Variants in OLA1 observed in about 807,000 individuals in gnomAD.
OLA1 encodes Obg like ATPase 1, also known as obg-like ATPase 1.
In OLA1, 14 loss-of-function variants were observed where a neutral mutation model predicts 48.4. The ratio of observed to expected loss-of-function variants is 0.29; its 90% CI spans 0.19 to 0.45. The LOEUF (loss-of-function observed/expected upper bound fraction) is 0.45. Ranked by LOEUF, OLA1 falls within the 20% of genes least tolerant of loss-of-function variation. The pLI, the probability that OLA1 is intolerant of heterozygous loss-of-function variation, is 1.00. For missense variants in OLA1, 325 were observed against 467.1 expected (o/e 0.70, Z 2.80); for synonymous variants, 127 against 150.4 (o/e 0.84, Z 1.14).
At chr2:174,147,135 C>A (rs75452205) in intron 4 of OLA1, among the ~76,000 whole-genome samples, 10,069 of 152,118 alleles carry the variant, frequency 0.066, 453 homozygotes, top group Middle Eastern at 0.11. Context: ...TGAACAGCAA[C>A]AACAAAAAAG....
chr2:174,073,405 A>G lies in OLA1; in HGVS notation c.*2021T>C, dbSNP rs1291684934. On this transcript the variant is annotated 3_prime_UTR_variant, in exon 11 of 11. Coordinates refer to ENST00000284719, the MANE Select transcript of OLA1 (RefSeq NM_013341.5). ...ATATTAACTTTATCAATATTAAAGGAGGGAAAACGTTTAGATATAGGCATA... is the reference window on the plus strand; with the variant it reads ...ATATTAACTTTATCAATATTAAAGGGGGGAAAACGTTTAGATATAGGCATA... 6.6e-6 allele frequency: 1 copy of G among 152,230 alleles called. No individual in the cohort carries two copies. Among genetic ancestry groups the G allele is most frequent in the Non-Finnish European group, 1.5e-5 (1 of 68,034 alleles). 9.4% of individuals were successfully genotyped at this position (152,230 alleles called of 1,614,324 possible).
chr2:174,146,849 C>A (rs1414290304), intron 4 of OLA1, among the ~76,000 whole-genome samples: 1 of 152,098 alleles, frequency 6.6e-6, no homozygotes, highest in Admixed American at 6.5e-5. Context: ...TTTCTATAAG[C>A]GCACTAATTA....
In OLA1 at chr2:174,075,238, T is replaced by C; in HGVS notation, c.*188A>G. On this transcript the variant is annotated 3_prime_UTR_variant, in exon 11 of 11. Transcript: ENST00000284719. ...GAAAAGCAAAGCTGTTCACATTTAG[T>C]GAACCTGCATTTCATGGGGGGGGGG... The C allele has an allele frequency of 2.1e-6, 1 of 486,368 alleles. No homozygotes were observed. The highest frequency in any genetic ancestry group is 3.6e-6 in the Non-Finnish European group (1 of 279,526). 30.1% of individuals were successfully genotyped at this position (486,368 alleles called of 1,614,324 possible). A position where few individuals can be genotyped will look rare whatever the true frequency, so the allele number is the denominator to read the frequency against.
intron 4 of OLA1, among the ~76,000 whole-genome samples, chr2:174,216,304 A>G (rs1215055973): frequency 6.6e-6 from 1 of 152,076 alleles, no homozygotes; most frequent in African/African-American, 2.4e-5. Flanking sequence ...CCCTATCTCT[A>G]AAACAATAAT....
rs548161079 is a variant in OLA1, at chr2:174,149,102, G to A, written c.374-7102C>T. Among the ~76,000 whole-genome samples, 23 of 152,082 alleles carry A rather than the reference G, an allele frequency of 1.5e-4. No individual in the cohort carries two copies. In the East Asian group the frequency reaches 3.7e-3, roughly 24 times the overall value. On this transcript the variant is annotated intron_variant, in intron 4 of 10. Coordinates refer to ENST00000284719, the MANE Select transcript of OLA1 (RefSeq NM_013341.5). ...TACATGTGCTCTCTCCACTTTTTCC[G>A]CCTATTTACAACTCAACCCACTATA...
At chr2:174,081,354 G>A in intron 8 of OLA1, 106 bp from the exon 9 acceptor site, 1 of 747,900 alleles carries the variant, frequency 1.3e-6, no homozygotes, top group South Asian at 1.6e-5. Flanking sequence ...AAAGATAGTA[G>A]TAAATGACCA....
intron 7 of OLA1, among the ~76,000 whole-genome samples, chr2:174,107,473 A>G (rs1055739852): frequency 6.6e-6 from 1 of 152,120 alleles, no homozygotes; most frequent in Non-Finnish European, 1.5e-5. Flanking sequence ...GTTAAAAGCT[A>G]TAGGTAACAT....
chr2:174,230,682 A>C (rs1207477786), intron 2 of OLA1, among the ~76,000 whole-genome samples: 1 of 152,206 alleles, frequency 6.6e-6, no homozygotes, highest in Non-Finnish European at 1.5e-5. Flanking sequence ...AAAGTCAATA[A>C]AATCCAGACT....
At chr2:174,173,835 G>A (rs1687361722) in intron 4 of OLA1, among the ~76,000 whole-genome samples, 8 of 151,854 alleles carry the variant, frequency 5.3e-5, no homozygotes, top group Admixed American at 5.2e-4. Context: ...TAGGTCCTAA[G>A]TCATTAAACA....
chr2:174,107,770 G>A (rs573685508), intron 7 of OLA1, among the ~76,000 whole-genome samples: 105 of 152,066 alleles, frequency 6.9e-4, no homozygotes, highest in Non-Finnish European at 1.2e-3. Context: ...CTATATTCTC[G>A]ATTAGATTAT....
At chr2:174,203,799 A>ATTT (rs35167847) in intron 4 of OLA1, among the ~76,000 whole-genome samples, 6 of 142,960 alleles carry the variant, frequency 4.2e-5, no homozygotes, top group Admixed American at 6.9e-5. Flanking sequence ...ACGGAGTAGG[A>ATTT]TTTTTTTTTT....
chr2:174,077,209 T>C (rs1460805874), intron 10 of OLA1, among the ~76,000 whole-genome samples: 1 of 152,182 alleles, frequency 6.6e-6, no homozygotes, highest in Non-Finnish European at 1.5e-5. Context: ...GCAGATATGA[T>C]TGCTAATAAT....
intron 5 of OLA1, among the ~76,000 whole-genome samples, chr2:174,136,882 G>T (rs963815930): frequency 2.6e-5 from 4 of 151,506 alleles, no homozygotes; most frequent in African/African-American, 9.7e-5. Flanking sequence ...TCACCATGTT[G>T]GCCAGGCTGG....
intron 2 of OLA1, among the ~76,000 whole-genome samples, chr2:174,233,942 A>T (rs766667253): frequency 6.6e-6 from 1 of 152,252 alleles, no homozygotes; most frequent in Admixed American, 6.5e-5. Flanking sequence ...TAAAGCAAAT[A>T]CAGTTAACCC....
rs543033461 is a variant in OLA1, at chr2:174,081,700, A to G, written c.869+224T>C. 9.9e-5 allele frequency among the ~76,000 whole-genome samples: 15 copies of G among 152,226 alleles called. No homozygotes were observed. In the South Asian group the frequency reaches 3.1e-3, roughly 32 times the overall value. On this transcript the variant is annotated intron_variant, in intron 8 of 10. Coordinates refer to ENST00000284719, the MANE Select transcript of OLA1 (RefSeq NM_013341.5). ...TTCCTTCTCAAAAATATACATAACTAATACCTATGTTATAATTAAAACACT... is the reference window on the plus strand; with the variant it reads ...TTCCTTCTCAAAAATATACATAACTGATACCTATGTTATAATTAAAACACT...
At chr2:174,183,940 T>C (rs1687601391) in intron 4 of OLA1, among the ~76,000 whole-genome samples, 1 of 152,072 alleles carries the variant, frequency 6.6e-6, no homozygotes, top group Non-Finnish European at 1.5e-5. Flanking sequence ...GGCTTTGGGG[T>C]TGAGACACAG....
chr2:174,082,786 A>T (rs1684886146), intron 7 of OLA1, among the ~76,000 whole-genome samples: 2 of 152,192 alleles, frequency 1.3e-5, no homozygotes, highest in African/African-American at 2.4e-5. Context: ...CTGAAAAGAC[A>T]TTATTGAGTC....
chr2:174,101,962 T>C (rs191731201), intron 7 of OLA1, among the ~76,000 whole-genome samples: 92 of 152,314 alleles, frequency 6.0e-4, no homozygotes, highest in African/African-American at 2.1e-3. Flanking sequence ...TTGTGGATAT[T>C]ACTATAGAAA....
intron 5 of OLA1, among the ~76,000 whole-genome samples, chr2:174,134,480 T>C (rs1686255547): frequency 1.3e-5 from 2 of 152,296 alleles, no homozygotes; most frequent in South Asian, 4.1e-4. Flanking sequence ...ATCTTTGTCT[T>C]TTATTGCAGT....
Sources: allele counts gnomAD v4.1 joint callset (sites outside exome capture counted in the v4.1 genomes callset), GRCh38; gene constraint gnomAD v4.1.1; transcripts MANE v1.5; gene names NCBI Gene and HGNC (gene_info 2026-07-23, HGNC 2026-07-21).